Variants in GSDME observed in about 807,000 individuals in gnomAD.
GSDME encodes the protein gasdermin-E.
A neutral mutation model predicts 47.5 loss-of-function variants in GSDME; 44 were observed. That is an observed-to-expected ratio of 0.93 (90% CI 0.73 to 1.19). GSDME has a LOEUF of 1.19. Among genes scored for constraint, GSDME ranks in the 50% most tolerant of loss-of-function variants. The pLI, the probability that GSDME is intolerant of heterozygous loss-of-function variation, is 0.00. For synonymous variants in GSDME, 258 were observed against 252.8 expected (o/e 1.02, Z -0.20); for missense variants, 663 against 604.2 (o/e 1.10, Z -1.02).
intron 9 of GSDME, among the ~76,000 whole-genome samples, chr7:24,699,797 C>G (rs182083395): frequency 6.6e-6 from 1 of 152,182 alleles, no homozygotes; most frequent in Non-Finnish European, 1.5e-5. Context: ...TTCTACTAGT[C>G]CCATTAACTC....
intron 3 of GSDME, among the ~76,000 whole-genome samples, chr7:24,723,296 T>C (rs1388456621): frequency 6.6e-6 from 1 of 152,068 alleles, no homozygotes; most frequent in Non-Finnish European, 1.5e-5. Context: ...CCTCAGTCAA[T>C]TCCACCAAGC....
chr7:24,719,546 A>T (rs1789698394), intron 3 of GSDME, among the ~76,000 whole-genome samples: 1 of 151,772 alleles, frequency 6.6e-6, no homozygotes. Flanking sequence ...TAATCCCAGC[A>T]CTTTGGGAGG....
chr7:24,787,677 G>T, the GSDME span, among the ~76,000 whole-genome samples: 1 of 149,078 alleles, frequency 6.7e-6, no homozygotes, highest in Admixed American at 6.7e-5. This position sits in a 1 kb window ranked among gnomAD's most constrained non-coding sequence, Gnocchi z 5.0. Flanking sequence ...AACCAAAGAG[G>T]TTTTTTTTTT....
chr7:24,788,857 T>A, the GSDME span, among the ~76,000 whole-genome samples: 2 of 152,244 alleles, frequency 1.3e-5, no homozygotes, highest in Non-Finnish European at 2.9e-5. The surrounding 1 kb of genome is among the most constrained non-coding windows in gnomAD (Gnocchi z 4.6). Context: ...AATGGCAGAT[T>A]TGATTCAGTT....
chr7:24,743,271 A>G (rs1457348981), intron 3 of GSDME, among the ~76,000 whole-genome samples: 1 of 152,224 alleles, frequency 6.6e-6, no homozygotes, highest in Non-Finnish European at 1.5e-5. Context: ...TTAATATTCC[A>G]TATAATCTTT....
At chr7:24,786,247 TA>T in the GSDME span, among the ~76,000 whole-genome samples, 1 of 152,244 alleles carries the variant, frequency 6.6e-6, no homozygotes, top group Non-Finnish European at 1.5e-5. The surrounding 1 kb of genome is among the most constrained non-coding windows in gnomAD (Gnocchi z 5.5). Context: ...CTTTTCTGTG[TA>T]CCGGGTTGCC....
upstream of GSDME, among the ~76,000 whole-genome samples, chr7:24,759,586 G>T (rs1250834947): frequency 1.3e-5 from 2 of 152,208 alleles, no homozygotes; most frequent in African/African-American, 4.8e-5. Context: ...TGAGGGAATT[G>T]AGGCACAAAC....
chr7:24,756,716 C>G lies in GSDME; in HGVS notation c.-20+680G>C, dbSNP rs1791029615. Among the ~76,000 whole-genome samples the G allele has an allele frequency of 6.6e-6, 1 of 152,182 alleles. No homozygotes were observed. Among genetic ancestry groups the G allele is most frequent in the South Asian group, 2.1e-4 (1 of 4,824 alleles). On this transcript the variant is annotated intron_variant, in intron 1 of 9. Transcript: ENST00000645220. This position sits in a 1 kb window ranked among gnomAD's most constrained non-coding sequence, Gnocchi z 4.2. ...TAAGAGGTGCCCTCTAGTCTTTCCC[C>G]TCGGGGTGCAGACGGCAAGCGGCTC...
the GSDME span, among the ~76,000 whole-genome samples, chr7:24,795,181 C>A: frequency 6.6e-6 from 1 of 152,206 alleles, no homozygotes; most frequent in Non-Finnish European, 1.5e-5. Flanking sequence ...GTGCGCTGCT[C>A]TGGCGAGGCG....
At chr7:24,700,676 A>G (rs1788828630) in intron 9 of GSDME, among the ~76,000 whole-genome samples, 1 of 152,134 alleles carries the variant, frequency 6.6e-6, no homozygotes, top group Admixed American at 6.5e-5. Flanking sequence ...GCCAAATACA[A>G]CTCACACAAT....
In GSDME at chr7:24,723,454, A is replaced by C. The variant is rs79192334; in HGVS notation, c.405-4236T>G. ...CAACAGGGCTCCCCTGTGCCCGCCTAGTGCAGAAACCAGCCAAATTTCAAT... is the reference window on the plus strand; with the variant it reads ...CAACAGGGCTCCCCTGTGCCCGCCTCGTGCAGAAACCAGCCAAATTTCAAT... On this transcript the variant is annotated intron_variant, in intron 3 of 9. Transcript: ENST00000645220. Among the ~76,000 whole-genome samples the C allele has an allele frequency of 2.5e-3, 382 of 152,346 alleles. 2 individuals carry two copies. Among genetic ancestry groups the C allele is most frequent in the African/African-American group, 8.9e-3 (369 of 41,584 alleles).
rs545657003 is a variant in GSDME at position 24,712,875 on chromosome 7, G to A, written c.698-2487C>T. ...CTTTACTAAAAATACAAAATTAGCC[G>A]GGCATAGTGGTGCACACCTGTAATC... On this transcript the variant is annotated intron_variant, in intron 5 of 9. Coordinates refer to ENST00000645220, the MANE Select transcript of GSDME (RefSeq NM_001127453.2). The surrounding 1 kb of genome is among the most constrained non-coding windows in gnomAD (Gnocchi z 4.4). Among the ~76,000 whole-genome samples, 4 of 152,144 alleles carry A rather than the reference G, an allele frequency of 2.6e-5. No homozygotes were observed. Among genetic ancestry groups the A allele is most frequent in the Non-Finnish European group, 5.9e-5 (4 of 68,008 alleles).
At chr7:24,747,043 C>T (rs1007156766) in intron 2 of GSDME, among the ~76,000 whole-genome samples, 36 of 152,316 alleles carry the variant, frequency 2.4e-4, no homozygotes, top group Admixed American at 1.7e-3. Flanking sequence ...CTGCAGTGAC[C>T]GCCACTGGCC....
At position 24,744,450 on chromosome 7, in the gene GSDME, T is replaced by C; in HGVS notation, c.404+112A>G. The C allele has an allele frequency of 8.6e-7, 1 of 1,160,794 alleles. No homozygotes were observed. The allele number at this position is 1,160,794 out of a possible 1,614,324, so 71.9% of individuals were successfully genotyped here. A position where few individuals can be genotyped will look rare whatever the true frequency, so the allele number is the denominator to read the frequency against. ...TTTCAACACAAGCGCATTCAATACA[T>C]GTTTATTGATCGGCAGAGATCAAAT... On this transcript the variant is annotated intron_variant, in intron 3 of 9. Transcript: ENST00000645220. This position sits in a 1 kb window ranked among gnomAD's most constrained non-coding sequence, Gnocchi z 4.5.
chr7:24,706,724 A>C (rs1173669983), intron 7 of GSDME, among the ~76,000 whole-genome samples: 1 of 152,202 alleles, frequency 6.6e-6, no homozygotes, highest in Non-Finnish European at 1.5e-5. Context: ...CTTGGTTCTC[A>C]TGCGTTAAGC....
intron 3 of GSDME, among the ~76,000 whole-genome samples, chr7:24,731,719 T>C (rs932339663): frequency 1.3e-5 from 2 of 152,236 alleles, no homozygotes; most frequent in Non-Finnish European, 2.9e-5. Context: ...TGTTCTCTCA[T>C]TGAGTTCTCA....
chr7:24,766,178 A>G, the GSDME span, among the ~76,000 whole-genome samples: 1 of 113,476 alleles, frequency 8.8e-6, no homozygotes, highest in Non-Finnish European at 1.8e-5. The surrounding 1 kb of genome is among the most constrained non-coding windows in gnomAD (Gnocchi z 4.2). Flanking sequence ...ATTAAATTAC[A>G]TTATTTGTGT....
the GSDME span, among the ~76,000 whole-genome samples, chr7:24,772,227 C>T: frequency 6.6e-6 from 1 of 152,326 alleles, no homozygotes; most frequent in South Asian, 2.1e-4. The surrounding 1 kb of genome is among the most constrained non-coding windows in gnomAD (Gnocchi z 4.5). Flanking sequence ...GGGGCTGAAT[C>T]CACAGGGGCC....
In GSDME at chr7:24,728,784, A is replaced by C. The variant is rs1790052012; in HGVS notation, c.405-9566T>G. 6.6e-6 allele frequency among the ~76,000 whole-genome samples: 1 copy of C among 152,206 alleles called. No individual in the cohort carries two copies. The highest frequency in any genetic ancestry group is 2.4e-5 in the African/African-American group (1 of 41,452). On this transcript the variant is annotated intron_variant, in intron 3 of 9. Transcript: ENST00000645220. The surrounding 1 kb of genome is among the most constrained non-coding windows in gnomAD (Gnocchi z 7.2). ...AACTTCCCACACATCAGAGATGCTC[A>C]GCCCACAGCCGGGGGCAGGAAATCT... is the stretch of plus-strand genomic sequence containing the variant.
Sources: gnomAD v4.1 joint callset for allele counts (sites outside exome capture counted in the v4.1 genomes callset) on GRCh38, gnomAD v4.1.1 for gene constraint, Gnocchi (gnomAD v3.1) non-coding constraint, MANE v1.5 for transcripts, NCBI Gene and HGNC (gene_info 2026-07-23, HGNC 2026-07-21) for gene names.